The following FNBP1 variants were observed in gnomAD, a reference collection of about 807,000 sequenced individuals.
FNBP1 encodes formin binding protein 1.
In FNBP1, 26 loss-of-function variants were observed where a neutral mutation model predicts 90.6. The observed-to-expected ratio is 0.29, with a 90% CI of 0.21 to 0.40. The LOEUF is 0.40. Among genes scored for constraint, FNBP1 ranks in the 10% least tolerant of loss-of-function variants. The pLI, the probability that FNBP1 is intolerant of heterozygous loss-of-function variation, is 1.00. For missense variants in FNBP1, 635 were observed against 768.0 expected (o/e 0.83, Z 2.05); for synonymous variants, 260 against 265.2 (o/e 0.98, Z 0.19).
intron 8 of FNBP1, among the ~76,000 whole-genome samples, chr9:129,925,791 G>A (rs144102435): frequency 0.016 from 2,357 of 149,824 alleles, 47 homozygotes; most frequent in African/African-American, 0.049. Context: ...ATGGGGTTTC[G>A]CCATGTTGGC....
intron 1 of FNBP1, among the ~76,000 whole-genome samples, chr9:130,015,222 T>C (rs140201192): frequency 1.8e-4 from 27 of 152,282 alleles, no homozygotes; most frequent in African/African-American, 5.1e-4. Context: ...ACTGAGGGCC[T>C]AGCAGGTAAA....
intron 4 of FNBP1, among the ~76,000 whole-genome samples, chr9:129,963,024 C>T (rs760330608): frequency 1.3e-4 from 20 of 152,120 alleles, no homozygotes; most frequent in Non-Finnish European, 2.9e-5. Context: ...TTTCCTAAGC[C>T]GGAGCACCGA....
chr9:130,029,892 G>A (rs2058659252), intron 1 of FNBP1, among the ~76,000 whole-genome samples: 1 of 152,096 alleles, frequency 6.6e-6, no homozygotes. Flanking sequence ...GTTGAGGTAG[G>A]AGGATTGCTT....
chr9:129,996,658 A>G (rs2054050910), intron 1 of FNBP1, among the ~76,000 whole-genome samples: 1 of 152,200 alleles, frequency 6.6e-6, no homozygotes, highest in Non-Finnish European at 1.5e-5. Flanking sequence ...TGTGCAATCT[A>G]ACAGTATACA....
Position 129,900,597 on chromosome 9 carries a change from A to T in FNBP1, c.1429-50T>A. ...TCCAACCTAAGGCCATCTGAGGGTC[A>T]GCCCAGAGTGTCCTAAGGTCCCAAA... On this transcript the variant is annotated intron_variant, in intron 13 of 16. Coordinates refer to ENST00000446176, the MANE Select transcript of FNBP1 (RefSeq NM_015033.3). The surrounding 1 kb of genome is among the most constrained non-coding windows in gnomAD (Gnocchi z 4.1). The T allele has an allele frequency of 6.9e-7, 1 of 1,443,062 alleles. No individual in the cohort carries two copies. The highest frequency in any genetic ancestry group is 2.6e-5 in the East Asian group (1 of 37,914). The allele number at this position is 1,443,062 out of a possible 1,614,324, so 89.4% of individuals were successfully genotyped here.
At chr9:129,894,612 G>GCC (rs897323429) in intron 16 of FNBP1, among the ~76,000 whole-genome samples, 6 of 152,282 alleles carry the variant, frequency 3.9e-5, no homozygotes, top group Admixed American at 2.6e-4. Context: ...TCTCTTTATA[G>GCC]CCCCACCTGG....
At chr9:130,046,433 T>TA (rs1356298278), upstream of FNBP1, among the ~76,000 whole-genome samples, 1 of 151,764 alleles carries the variant, frequency 6.6e-6, no homozygotes, top group Non-Finnish European at 1.5e-5. Flanking sequence ...GCTAAACACA[T>TA]AAAAGTCCCT....
At chr9:129,971,699 G>C (rs2417160) in intron 4 of FNBP1, among the ~76,000 whole-genome samples, 2 of 152,228 alleles carry the variant, frequency 1.3e-5, no homozygotes, top group Admixed American at 6.5e-5. Flanking sequence ...CCTACAGTTA[G>C]ATTTGAAGAC....
intron 4 of FNBP1, among the ~76,000 whole-genome samples, chr9:129,976,831 C>T (rs2050390012): frequency 6.6e-6 from 1 of 151,958 alleles, no homozygotes; most frequent in South Asian, 2.1e-4. Flanking sequence ...TCAGCAGAAG[C>T]CATAGTAATC....
intron 10 of FNBP1, among the ~76,000 whole-genome samples, chr9:129,923,569 C>A (rs2041432949): frequency 1.3e-5 from 2 of 149,044 alleles, no homozygotes; most frequent in Admixed American, 6.7e-5. Context: ...CAGAGCGAGA[C>A]TCTGTCTGGA....
At chr9:129,994,795 T>C (rs771971947) in intron 2 of FNBP1, 48 bp downstream of exon 2, 6 of 838,508 alleles carry the variant, frequency 7.2e-6, no homozygotes, top group Non-Finnish European at 1.2e-5. Context: ...TACGTTATCC[T>C]TACATCATTT....
the FNBP1 span, chr9:130,053,691 C>A: frequency 7.2e-6 from 4 of 556,206 alleles, no homozygotes; most frequent in Non-Finnish European, 1.3e-5. Context: ...GTTGTTATGG[C>A]AACCGCCAAT....
At position 129,888,641 on chromosome 9, in the gene FNBP1, C is replaced by G. The variant is rs1014385182; in HGVS notation, c.*1898G>C. The G allele has an allele frequency of 4.3e-6, 1 of 232,930 alleles. No homozygotes were observed. The highest frequency in any genetic ancestry group is 2.2e-5 in the African/African-American group (1 of 45,320). The allele number at this position is 232,930 out of a possible 1,614,324, so 14.4% of individuals were successfully genotyped here. On this transcript the variant is annotated 3_prime_UTR_variant, in exon 17 of 17. Coordinates refer to ENST00000446176, the MANE Select transcript of FNBP1 (RefSeq NM_015033.3). ...GGGAAGAAGCAGTCAGAGAGGCTCA[C>G]GCTCACCTACTTTAAAAACCCAAAG... is the stretch of plus-strand genomic sequence containing the variant.
chr9:129,901,482 A>T (rs1007300780), intron 13 of FNBP1, among the ~76,000 whole-genome samples: 2 of 152,084 alleles, frequency 1.3e-5, no homozygotes, highest in African/African-American at 4.8e-5. Context: ...GGTTACAGTG[A>T]GTCGAGACTG....
chr9:130,021,631 T>C lies in FNBP1; in HGVS notation c.24+21321A>G, dbSNP rs183581006. Among the ~76,000 whole-genome samples the C allele has an allele frequency of 1.3e-4, 20 of 152,282 alleles. 1 individual carries two copies. The highest frequency in any genetic ancestry group is 1.1e-3 in the Admixed American group (17 of 15,292). ...TAAAATAGCACCTAATATACTCTCA[T>C]TACCTGTTTTGCAACAGGGAGTAAG... On this transcript the variant is annotated intron_variant, in intron 1 of 16. Coordinates refer to ENST00000446176, the MANE Select transcript of FNBP1 (RefSeq NM_015033.3).
rs537533836 is a variant in FNBP1 at position 129,889,793 on chromosome 9, C to T, written c.*746G>A. ...GGTGGACACAGGCGAGTCAACAAGG[C>T]GAGCTGGAATTCGACTTCCAGTGTG... is the stretch of plus-strand genomic sequence containing the variant. On this transcript the variant is annotated 3_prime_UTR_variant, in exon 17 of 17. Transcript: ENST00000446176. The T allele has an allele frequency of 3.4e-5, 8 of 232,458 alleles. No homozygotes were observed. Among genetic ancestry groups the T allele is most frequent in the East Asian group, 2.4e-4 (4 of 16,490 alleles). 14.4% of individuals were successfully genotyped at this position (232,458 alleles called of 1,614,324 possible).
In FNBP1 at chr9:129,909,007, C is replaced by A; in HGVS notation, c.1186-8G>T. 2 of 1,595,434 alleles carry A rather than the reference C, an allele frequency of 1.3e-6. No homozygotes were observed. Among genetic ancestry groups the A allele is most frequent in the Non-Finnish European group, 1.7e-6 (2 of 1,163,390 alleles). On this transcript the variant is annotated splice_region_variant and splice_polypyrimidine_tract_variant and intron_variant, in intron 11 of 16. Transcript: ENST00000446176. ...ATCCTCCGGTGTTGCACCCTGCAGA[C>A]ACAAATATAAATGAGAAACCAGAAA...
upstream of FNBP1, among the ~76,000 whole-genome samples, chr9:130,045,614 T>C (rs2060056162): frequency 6.6e-6 from 1 of 152,164 alleles, no homozygotes; most frequent in South Asian, 2.1e-4. Flanking sequence ...AAGGAACCCA[T>C]TAAAAGCTGC....
chr9:130,006,533 G>C (rs2055728990), intron 1 of FNBP1, among the ~76,000 whole-genome samples: 1 of 151,818 alleles, frequency 6.6e-6, no homozygotes, highest in Non-Finnish European at 1.5e-5. Context: ...AGCCAAGCAT[G>C]GTGGCAGGCG....
Sources: allele counts gnomAD v4.1 joint callset (sites outside exome capture counted in the v4.1 genomes callset), GRCh38; gene constraint gnomAD v4.1.1; non-coding constraint Gnocchi (gnomAD v3.1); transcripts MANE v1.5; gene names NCBI Gene and HGNC (gene_info 2026-07-23, HGNC 2026-07-21).